Variants in DIAPH3 observed in about 807,000 individuals in gnomAD.
DIAPH3 encodes protein diaphanous homolog 3.
In DIAPH3, 117 loss-of-function variants were observed where a neutral mutation model predicts 144.3. That is an observed-to-expected ratio of 0.81 (90% CI 0.70 to 0.95). The LOEUF (loss-of-function observed/expected upper bound fraction) is 0.95. Ranked by LOEUF, DIAPH3 falls within the 40% of genes least tolerant of loss-of-function variation. The pLI, the probability that DIAPH3 is intolerant of heterozygous loss-of-function variation, is 0.00. For synonymous variants in DIAPH3, 519 were observed against 488.9 expected, an observed-to-expected ratio of 1.06 and a Z score of -0.81; for missense variants, 1,421 against 1,412.7, an observed-to-expected ratio of 1.01 and a Z score of -0.09.
At chr13:59,741,794 T>TG (rs71197275) in intron 27 of DIAPH3, among the ~76,000 whole-genome samples, 51,885 of 151,316 alleles carry the variant, frequency 0.34, 9,358 homozygotes, top group African/African-American at 0.44. Context: ...TCTAAACAAC[T>TG]GTATCATCTT....
chr13:59,828,259 G>T (rs975051177), intron 24 of DIAPH3, among the ~76,000 whole-genome samples: 1 of 151,760 alleles, frequency 6.6e-6, no homozygotes, highest in African/African-American at 2.4e-5. Flanking sequence ...CCAGCAACCA[G>T]GCTTTACATT....
intron 27 of DIAPH3, among the ~76,000 whole-genome samples, chr13:59,725,748 C>G (rs2035575935): frequency 6.6e-6 from 1 of 152,176 alleles, no homozygotes; most frequent in Admixed American, 6.5e-5. Context: ...TTAGACCTTG[C>G]AAGCCTGACT....
chr13:60,010,741 A>G, intron 7 of DIAPH3, 72 bp from the exon 8 acceptor site: 2 of 1,462,856 alleles, frequency 1.4e-6, no homozygotes, highest in African/African-American at 2.8e-5. Flanking sequence ...AAGGAAATGT[A>G]GTTATTAAAA....
chr13:59,770,452 A>G (rs1427245718), intron 27 of DIAPH3, among the ~76,000 whole-genome samples: 1 of 152,158 alleles, frequency 6.6e-6, no homozygotes, highest in Non-Finnish European at 1.5e-5. Context: ...GTACTGTGAC[A>G]GACACTGAAT....
intron 27 of DIAPH3, among the ~76,000 whole-genome samples, chr13:59,696,651 G>T (rs757099807): frequency 7.2e-5 from 11 of 152,120 alleles, no homozygotes; most frequent in Non-Finnish European, 1.2e-4. Context: ...CTACTAAATG[G>T]CTGTGAAAAT....
At chr13:59,784,845 A>ACG (rs1307721444) in intron 25 of DIAPH3, among the ~76,000 whole-genome samples, 46 of 150,370 alleles carry the variant, frequency 3.1e-4, no homozygotes, top group African/African-American at 9.7e-4. Flanking sequence ...AAAACCACAC[A>ACG]CGCGCGCACA....
chr13:60,066,526 T>G (rs2056972821), intron 4 of DIAPH3, among the ~76,000 whole-genome samples: 1 of 152,358 alleles, frequency 6.6e-6, no homozygotes, highest in Non-Finnish European at 1.5e-5. Context: ...AAGCAACCAG[T>G]GCAATGTCAC....
At chr13:59,870,900 C>A (rs1451042041) in intron 21 of DIAPH3, among the ~76,000 whole-genome samples, 1 of 151,540 alleles carries the variant, frequency 6.6e-6, no homozygotes. Context: ...GAACTCCCGA[C>A]CTCAGGTGAT....
At chr13:59,929,161 C>T (rs148952677) in intron 17 of DIAPH3, among the ~76,000 whole-genome samples, 3 of 152,122 alleles carry the variant, frequency 2.0e-5, no homozygotes, top group Middle Eastern at 3.4e-3. Flanking sequence ...GTGCTCAACC[C>T]GTAAGTATTA....
chr13:59,764,327 G>A (rs1273516538), intron 27 of DIAPH3, among the ~76,000 whole-genome samples: 1 of 151,714 alleles, frequency 6.6e-6, no homozygotes, highest in East Asian at 2.0e-4. Context: ...GATGGTGGCT[G>A]AACTGCTCCT....
At chr13:59,765,824 A>G (rs1293677007) in intron 27 of DIAPH3, among the ~76,000 whole-genome samples, 1 of 152,188 alleles carries the variant, frequency 6.6e-6, no homozygotes, top group African/African-American at 2.4e-5. Flanking sequence ...GAGGGCAAAT[A>G]AAGTAAAATA....
At chr13:60,123,410 C>T (rs866816626) in intron 2 of DIAPH3, among the ~76,000 whole-genome samples, 2 of 152,322 alleles carry the variant, frequency 1.3e-5, no homozygotes, top group South Asian at 2.1e-4. Context: ...CACCCTACTA[C>T]ATATTAGTAT....
intron 20 of DIAPH3, among the ~76,000 whole-genome samples, chr13:59,880,116 A>G (rs540998037): frequency 7.9e-5 from 12 of 152,292 alleles, no homozygotes; most frequent in African/African-American, 2.4e-4. Context: ...TCACATGCCA[A>G]GTTAACCCTG....
chr13:59,899,031 G>A lies in DIAPH3; in HGVS notation c.2367+12704C>T, dbSNP rs796685858. On this transcript the variant is annotated intron_variant, in intron 20 of 27. Coordinates refer to ENST00000400324, the MANE Select transcript of DIAPH3 (RefSeq NM_001042517.2). ...CTGGCCTCCATCTTTCTCCCATGCT[G>A]GATGCTTCCTGCCCTCGAACATCAG... Among the ~76,000 whole-genome samples the A allele has an allele frequency of 5.3e-5, 8 of 152,254 alleles. No individual in the cohort carries two copies. In the South Asian group the frequency reaches 1.7e-3, roughly 32 times the overall value.
In DIAPH3 at chr13:60,085,136, G is replaced by A. The variant is rs181192185; in HGVS notation, c.495+8492C>T. Reference sequence around the variant, plus strand: ...CTCCTTACTAATATCTGTTCTATTGGGCATCTTTTTCCAAAAGAAAGCAGG... The same window carrying A: ...CTCCTTACTAATATCTGTTCTATTGAGCATCTTTTTCCAAAAGAAAGCAGG... On this transcript the variant is annotated intron_variant, in intron 4 of 27. Transcript: ENST00000400324. 3.3e-3 allele frequency among the ~76,000 whole-genome samples: 504 copies of A among 151,838 alleles called. 2 individuals carry two copies. The highest frequency in any genetic ancestry group is 0.011 in the African/African-American group (464 of 41,426).
rs2058583656 is a variant in DIAPH3, at chr13:60,112,088, T to G, written c.312A>C (p.Ala104=). The G allele has an allele frequency of 6.2e-7, 1 of 1,614,006 alleles. No individual in the cohort carries two copies. Among genetic ancestry groups the G allele is most frequent in the Non-Finnish European group, 8.5e-7 (1 of 1,179,970 alleles). ...KTAFASSDCS[A]APLEMMENFP... ...AGTTCTCCATCATCTCTAAAGGTGC[T>G]GCTGAGCAATCACTGCTTGCAAATG... is the stretch of plus-strand genomic sequence containing the variant. Residue 104 remains alanine (A), a synonymous_variant, in exon 3 of 28, where the codon GCA becomes GCC. Coordinates refer to ENST00000400324, the MANE Select transcript of DIAPH3 (RefSeq NM_001042517.2).
At chr13:60,022,231 G>C (rs899529284) in intron 5 of DIAPH3, among the ~76,000 whole-genome samples, 2 of 152,092 alleles carry the variant, frequency 1.3e-5, no homozygotes, top group Non-Finnish European at 2.9e-5. Context: ...TGACCTGCAT[G>C]CCTTTATTTC....
At chr13:59,802,397 C>T (rs922579156) in intron 25 of DIAPH3, among the ~76,000 whole-genome samples, 2 of 151,598 alleles carry the variant, frequency 1.3e-5, no homozygotes, top group Non-Finnish European at 2.9e-5. Flanking sequence ...TGACAATTAT[C>T]ATTAATTTTA....
intron 27 of DIAPH3, among the ~76,000 whole-genome samples, chr13:59,756,335 A>C (rs1340783639): frequency 6.6e-6 from 1 of 152,122 alleles, no homozygotes; most frequent in East Asian, 1.9e-4. Context: ...AAACTTTAAA[A>C]AAGTTATAAT....
Sources: allele counts gnomAD v4.1 joint callset (sites outside exome capture counted in the v4.1 genomes callset), GRCh38; gene constraint gnomAD v4.1.1; transcripts MANE v1.5; gene names NCBI Gene and HGNC (gene_info 2026-07-23, HGNC 2026-07-21).